IL20RA: variants seen among roughly 807,000 people sequenced by gnomAD.
IL20RA encodes interleukin 20 receptor subunit alpha.
A neutral mutation model predicts 36.5 loss-of-function variants in IL20RA; 29 were observed. The observed-to-expected ratio is 0.79, with a 90% CI of 0.59 to 1.08. The LOEUF (loss-of-function observed/expected upper bound fraction) is 1.08, where lower values mean the gene tolerates loss of function less well. IL20RA is among the 50% of genes least tolerant of loss of function. The pLI, the probability that IL20RA is intolerant of heterozygous loss-of-function variation, is 0.00. For missense variants in IL20RA, 652 were observed against 668.4 expected (o/e 0.98, Z 0.27); for synonymous variants, 279 against 267.1 (o/e 1.04, Z -0.43).
At chr6:137,014,994 G>C (rs1775629454) in intron 2 of IL20RA, among the ~76,000 whole-genome samples, 1 of 152,192 alleles carries the variant, frequency 6.6e-6, no homozygotes, top group Non-Finnish European at 1.5e-5. Flanking sequence ...CTTCGTAAGA[G>C]TCTTAGGTTA....
intron 1 of IL20RA, among the ~76,000 whole-genome samples, chr6:137,022,902 G>T (rs1479377845): frequency 3.3e-5 from 5 of 152,220 alleles, no homozygotes; most frequent in Admixed American, 1.3e-4. Context: ...AAGGAAGGAG[G>T]CTTCTCTAGT....
rs761089297 is a variant in IL20RA, at chr6:137,008,542, G to A, written c.724+57C>T. On this transcript the variant is annotated intron_variant, in intron 5 of 6. Transcript: ENST00000316649. The stretch of plus-strand genomic sequence containing the variant: ...AAAACCTTGTCTAAACCATCATACC[G>A]ACTTCTAGTTTTAGCAGATCTCCTT... The A allele has an allele frequency of 3.3e-4, 499 of 1,495,146 alleles. 1 individual carries two copies. The highest frequency in any genetic ancestry group is 4.3e-4 in the Non-Finnish European group (475 of 1,113,500). The allele number at this position is 1,495,146 out of a possible 1,614,324, so 92.6% of individuals were successfully genotyped here.
intron 2 of IL20RA, among the ~76,000 whole-genome samples, chr6:137,012,734 G>T (rs146337879): frequency 1.3e-5 from 2 of 152,300 alleles, no homozygotes; most frequent in South Asian, 4.1e-4. Context: ...ACTAAAGAGG[G>T]ATGAGAAAAA....
intron 1 of IL20RA, among the ~76,000 whole-genome samples, chr6:137,039,780 G>A (rs751375741): frequency 5.9e-5 from 9 of 152,134 alleles, no homozygotes; most frequent in Non-Finnish European, 8.8e-5. Flanking sequence ...TGAGAAAACC[G>A]TTTTGTATAG....
intron 1 of IL20RA, among the ~76,000 whole-genome samples, chr6:137,035,338 A>G (rs186921112): frequency 1.2e-4 from 19 of 152,340 alleles, no homozygotes; most frequent in African/African-American, 4.6e-4. Context: ...ATGTATATTA[A>G]TTAACCAACA....
chr6:137,019,842 T>C (rs11757734), intron 1 of IL20RA, among the ~76,000 whole-genome samples: 2 of 152,136 alleles, frequency 1.3e-5, no homozygotes, highest in African/African-American at 4.8e-5. Flanking sequence ...TATTTCATTA[T>C]AAATGCTGTG....
At chr6:137,043,095 T>C (rs1367234671) in intron 1 of IL20RA, 1 of 152,168 alleles carries the variant, frequency 6.6e-6, no homozygotes, top group Non-Finnish European at 1.5e-5. Context: ...TTTATTTCTC[T>C]CTCTCACTTT....
chr6:137,044,366 C>A, intron 1 of IL20RA: 1 of 1,062,830 alleles, frequency 9.4e-7, no homozygotes, highest in Non-Finnish European at 1.2e-6. Flanking sequence ...CGAACTCCCC[C>A]CACCCCACCT....
Position 137,009,388 on chromosome 6 carries a change from C to A in IL20RA, c.508G>T (p.Val170Phe). Residue 170 changes from valine (V) to phenylalanine (F), a missense_variant, in exon 4 of 7, where the codon GTT becomes TTT. Coordinates refer to ENST00000316649, the MANE Select transcript of IL20RA (RefSeq NM_014432.4). ...KWKRNPEDLP[V>F]SMQQIYSNLK... is the part of the protein sequence containing the mutation. ...TTGGAGTATATTTGTTGCATGGAAA[C>A]AGGAAGGTCTTCTGGATTTCTCTTC... The A allele has an allele frequency of 6.2e-7, 1 of 1,612,852 alleles. No individual in the cohort carries two copies.
At chr6:137,018,513 C>CGTGTGT (rs3842115) in intron 1 of IL20RA, among the ~76,000 whole-genome samples, 8,035 of 142,808 alleles carry the variant, frequency 0.056, 312 homozygotes, top group African/African-American at 0.11. Context: ...CTGCCGTGTG[C>CGTGTGT]GTGTGTGTGT....
At position 137,008,727 on chromosome 6, in the gene IL20RA, G is replaced by T. The variant is rs749477911; in HGVS notation, c.596C>A (p.Thr199Asn). The T allele has an allele frequency of 6.2e-7, 1 of 1,601,424 alleles. No individual in the cohort carries two copies. The highest frequency in any genetic ancestry group is 8.5e-7 in the Non-Finnish European group (1 of 1,174,102). Residue 199 changes from threonine (T) to asparagine (N), a missense_variant, in exon 5 of 7, where the codon ACC (threonine) becomes AAC (asparagine). Thr to Asn is a moderately conservative substitution (Grantham distance 65). Coordinates refer to ENST00000316649, the MANE Select transcript of IL20RA (RefSeq NM_014432.4). ...CCAGGTGAGCACCAGCGTGTGGTTG[G>T]TCACACACTGGGACCACTAGGATAG... is the stretch of plus-strand genomic sequence containing the variant. ...KSNRTWSQCV[T>N]NHTLVLTWLE...
At chr6:137,011,253 T>G (rs1470597335) in intron 3 of IL20RA, 21 bp downstream of exon 3, 1 of 1,583,930 alleles carries the variant, frequency 6.3e-7, no homozygotes, top group Admixed American at 1.8e-5. Context: ...AACTGACCAT[T>G]GCAATAATGG....
intron 2 of IL20RA, 52 bp downstream of exon 2, chr6:137,016,916 G>C: frequency 6.6e-7 from 1 of 1,512,962 alleles, no homozygotes; most frequent in African/African-American, 1.4e-5. Context: ...CAATTCACAA[G>C]AGTCTGAGTC....
intron 1 of IL20RA, among the ~76,000 whole-genome samples, chr6:137,018,506 C>CCGTGTG (rs1192088440): frequency 1.0e-5 from 1 of 100,444 alleles, no homozygotes; most frequent in Non-Finnish European, 2.0e-5. Flanking sequence ...TTGACCACTG[C>CCGTGTG]CGTGTGCGTG....
rs146766177 is a variant in IL20RA, at chr6:137,031,821, G to A, written c.88+12820C>T. ...TGTAGTTACAGCATTTTGGGAGGCC[G>A]AGGTTGGCAGATCACTTAAGGCCAG... On this transcript the variant is annotated intron_variant, in intron 1 of 6. Coordinates refer to ENST00000316649, the MANE Select transcript of IL20RA (RefSeq NM_014432.4). Among the ~76,000 whole-genome samples, 1,094 of 152,208 alleles carry A rather than the reference G, an allele frequency of 7.2e-3. 14 individuals are homozygous for A. The highest frequency in any genetic ancestry group is 0.025 in the African/African-American group (1,042 of 41,534).
At chr6:137,009,055 A>G in intron 4 of IL20RA, 1 of 577,840 alleles carries the variant, frequency 1.7e-6, no homozygotes, top group Non-Finnish European at 3.1e-6. Context: ...GTGCAAGTGA[A>G]AGCTCTTCAT....
intron 6 of IL20RA, 97 bp downstream of exon 6, chr6:137,004,524 G>T: frequency 1.7e-6 from 2 of 1,152,736 alleles, no homozygotes; most frequent in Non-Finnish European, 2.5e-6. Context: ...AATTCACTCT[G>T]CCCTTAAAGG....
intron 1 of IL20RA, among the ~76,000 whole-genome samples, chr6:137,042,540 G>A (rs571803336): frequency 6.6e-6 from 1 of 152,202 alleles, no homozygotes; most frequent in Non-Finnish European, 1.5e-5. Context: ...TTCTGTCCCT[G>A]GAGGGGTCCA....
chr6:137,039,607 C>T (rs1776610577), intron 1 of IL20RA, among the ~76,000 whole-genome samples: 1 of 152,124 alleles, frequency 6.6e-6, no homozygotes, highest in African/African-American at 2.4e-5. Flanking sequence ...AAGGAGATGG[C>T]ATGGAATGTG....
Sources: allele counts gnomAD v4.1 joint callset (sites outside exome capture counted in the v4.1 genomes callset), GRCh38; gene constraint gnomAD v4.1.1; transcripts MANE v1.5; gene names NCBI Gene and HGNC (gene_info 2026-07-23, HGNC 2026-07-21).